MACROD2: variants seen among roughly 807,000 people sequenced by gnomAD.
MACROD2 encodes ADP-ribose glycohydrolase MACROD2.
MACROD2 carries 36 observed loss-of-function variants against 70.4 expected under a neutral mutation model. The ratio of observed to expected loss-of-function variants is 0.51; its 90% CI spans 0.39 to 0.68. The LOEUF (loss-of-function observed/expected upper bound fraction) is 0.68. MACROD2 is among the 30% of genes least tolerant of loss of function. The probability of loss-of-function intolerance (pLI) is 0.00; values close to 1 mark genes in which losing one functional copy is unlikely to be tolerated. For missense variants in MACROD2, 496 were observed against 538.4 expected (o/e 0.92, Z 0.78); for synonymous variants, 172 against 178.8 (o/e 0.96, Z 0.30).
chr20:15,678,268 A>G (rs1490632094), intron 8 of MACROD2, among the ~76,000 whole-genome samples: 9 of 152,196 alleles, frequency 5.9e-5, no homozygotes, highest in African/African-American at 1.9e-4. Context: ...CAGGAGGCTG[A>G]AGCAGGAGGA....
At chr20:15,061,425 A>G (rs2123080806) in intron 5 of MACROD2, among the ~76,000 whole-genome samples, 1 of 152,220 alleles carries the variant, frequency 6.6e-6, no homozygotes, top group East Asian at 1.9e-4. Flanking sequence ...CTGTCTCCCC[A>G]AGCTCTTCAG....
chr20:14,227,643 G>T (rs1453363462), intron 3 of MACROD2, among the ~76,000 whole-genome samples: 1 of 152,174 alleles, frequency 6.6e-6, no homozygotes, highest in Non-Finnish European at 1.5e-5. Flanking sequence ...ACACCGCGAG[G>T]GTCCGCGGCT....
chr20:15,664,912 A>C (rs1366084434), intron 8 of MACROD2, among the ~76,000 whole-genome samples: 2 of 152,186 alleles, frequency 1.3e-5, no homozygotes, highest in Non-Finnish European at 2.9e-5. Flanking sequence ...GAATACATGA[A>C]AGTGGTGAAT....
At chr20:15,890,282 G>C (rs2064871569) in intron 10 of MACROD2, among the ~76,000 whole-genome samples, 1 of 152,180 alleles carries the variant, frequency 6.6e-6, no homozygotes, top group African/African-American at 2.4e-5. Context: ...GGAAAATGAA[G>C]ACCTAGAAAT....
At chr20:15,071,109 A>G (rs1192104672) in intron 5 of MACROD2, among the ~76,000 whole-genome samples, 1 of 152,202 alleles carries the variant, frequency 6.6e-6, no homozygotes, top group Non-Finnish European at 1.5e-5. Flanking sequence ...TGAGCTCCCA[A>G]TATACAATGG....
In MACROD2 at chr20:14,268,593, A is replaced by C. The variant is rs150218936; in HGVS notation, c.271+182865A>C. ...GTATATATTTCATAGGTTATGCTCT[A>C]TAAACTGATATTTTAGGAATTGCTG... On this transcript the variant is annotated intron_variant, in intron 3 of 17. Coordinates refer to ENST00000684519, the MANE Select transcript of MACROD2 (RefSeq NM_001351661.2). Among the ~76,000 whole-genome samples, 83 of 152,218 alleles carry C rather than the reference A, an allele frequency of 5.5e-4. 1 individual carries two copies. Among genetic ancestry groups the C allele is most frequent in the Non-Finnish European group, 7.4e-4 (50 of 67,982 alleles).
At chr20:15,061,473 G>A (rs143913220) in intron 5 of MACROD2, among the ~76,000 whole-genome samples, 1 of 152,102 alleles carries the variant, frequency 6.6e-6, no homozygotes, top group African/African-American at 2.4e-5. Context: ...GGTAATGCAC[G>A]TGATAATGCA....
At position 16,003,965 on chromosome 20, in the gene MACROD2, G is replaced by A. The variant is rs117629609; in HGVS notation, c.1153+16807G>A. ...ATTACGGGCTTGAGCCACCGTGCCC[G>A]GCCAAAATTTTGCATTTTTAATGAG... On this transcript the variant is annotated intron_variant, in intron 15 of 17. Transcript: ENST00000684519. 0.013 allele frequency among the ~76,000 whole-genome samples: 1,934 copies of A among 152,188 alleles called. 162 individuals carry two copies. In the East Asian group the frequency reaches 0.23, roughly 18 times the overall value.
At chr20:15,637,615 G>A (rs76033172) in intron 8 of MACROD2, among the ~76,000 whole-genome samples, 4,410 of 152,214 alleles carry the variant, frequency 0.029, 207 homozygotes, top group African/African-American at 0.1. Context: ...ATGCACATAA[G>A]ACAGGCCCAC....
At chr20:15,998,564 C>CTTTTTTT in intron 15 of MACROD2, among the ~76,000 whole-genome samples, 1 of 117,560 alleles carries the variant, frequency 8.5e-6, no homozygotes, top group Non-Finnish European at 1.8e-5. Context: ...TGAGTTCTCT[C>CTTTTTTT]TTTTTTTTTT....
intron 4 of MACROD2, among the ~76,000 whole-genome samples, chr20:14,673,506 G>T (rs1301945607): frequency 1.3e-5 from 2 of 152,092 alleles, no homozygotes; most frequent in African/African-American, 4.8e-5. Context: ...TACTAGGCTC[G>T]CTTGGTGACA....
At chr20:15,559,056 G>A (rs1233742) in intron 8 of MACROD2, among the ~76,000 whole-genome samples, 2,911 of 151,796 alleles carry the variant, frequency 0.019, 99 homozygotes, top group African/African-American at 0.065. Flanking sequence ...GTGAAACCCC[G>A]TCTCTACTAA....
At chr20:14,425,784 GT>G (rs1273026898) in intron 3 of MACROD2, among the ~76,000 whole-genome samples, 2 of 152,026 alleles carry the variant, frequency 1.3e-5, no homozygotes, top group Non-Finnish European at 2.9e-5. Context: ...CCTATCTATT[GT>G]TTCCTGTGTC....
chr20:16,000,116 A>G (rs1443855424), intron 15 of MACROD2, among the ~76,000 whole-genome samples: 3 of 152,226 alleles, frequency 2.0e-5, no homozygotes, highest in Non-Finnish European at 4.4e-5. Context: ...TAGAACATGC[A>G]AAAAATCTAG....
At chr20:14,652,865 C>T (rs1391179727) in intron 4 of MACROD2, among the ~76,000 whole-genome samples, 1 of 152,154 alleles carries the variant, frequency 6.6e-6, no homozygotes, top group Non-Finnish European at 1.5e-5. Context: ...AATGTCTTTG[C>T]CTCACACTTA....
At chr20:14,996,463 A>G (rs1379780630) in intron 5 of MACROD2, among the ~76,000 whole-genome samples, 1 of 152,180 alleles carries the variant, frequency 6.6e-6, no homozygotes, top group Non-Finnish European at 1.5e-5. Flanking sequence ...CCCTCCAGCA[A>G]TCATCTTCCT....
At chr20:15,313,226 G>A (rs1427578152) in intron 6 of MACROD2, among the ~76,000 whole-genome samples, 1 of 152,052 alleles carries the variant, frequency 6.6e-6, no homozygotes, top group African/African-American at 2.4e-5. Context: ...ATGATATGCG[G>A]CCGTGTGCGG....
intron 8 of MACROD2, among the ~76,000 whole-genome samples, chr20:15,630,879 G>C (rs1476925229): frequency 6.6e-6 from 1 of 152,082 alleles, no homozygotes; most frequent in East Asian, 1.9e-4. Context: ...ACTGGGACAG[G>C]GAATTTAAAG....
chr20:14,185,280 A>G (rs2081335806), intron 3 of MACROD2, among the ~76,000 whole-genome samples: 1 of 152,252 alleles, frequency 6.6e-6, no homozygotes, highest in East Asian at 1.9e-4. Context: ...TCATTTTCTT[A>G]AAGTTTTTAT....
Sources: gnomAD v4.1 joint callset for allele counts (sites outside exome capture counted in the v4.1 genomes callset) on GRCh38, gnomAD v4.1.1 for gene constraint, MANE v1.5 for transcripts, NCBI Gene and HGNC (gene_info 2026-07-23, HGNC 2026-07-21) for gene names.